The following NBR1 variants were observed in gnomAD, a reference collection of about 807,000 sequenced individuals.
The protein encoded by NBR1 is next to BRCA1 gene 1 protein.
NBR1 carries 59 observed loss-of-function variants against 115.5 expected under a neutral mutation model. That is an observed-to-expected ratio of 0.51 (90% CI 0.41 to 0.63). The LOEUF (loss-of-function observed/expected upper bound fraction) is 0.63. Ranked by LOEUF, NBR1 falls within the 30% of genes least tolerant of loss-of-function variation. NBR1 has a pLI of 0.00. For missense variants in NBR1, 1,043 were observed against 1,150.5 expected (o/e 0.91, Z 1.35); for synonymous variants, 373 against 414.7 (o/e 0.90, Z 1.22).
chr17:43,174,548 A>G (rs1446599668), intron 1 of NBR1, among the ~76,000 whole-genome samples: 1 of 152,176 alleles, frequency 6.6e-6, no homozygotes, highest in Non-Finnish European at 1.5e-5. Flanking sequence ...CAGTGAGCCA[A>G]GATTGTGCCA....
At chr17:43,209,545 T>G in intron 20 of NBR1, 3 of 1,530,874 alleles carry the variant, frequency 2.0e-6, no homozygotes, top group Admixed American at 3.9e-5. Context: ...ACAATTACAC[T>G]TATGTTCACA....
intron 6 of NBR1, among the ~76,000 whole-genome samples, chr17:43,188,112 G>C (rs953302827): frequency 1.3e-5 from 2 of 151,396 alleles, no homozygotes; most frequent in Non-Finnish European, 2.9e-5. Context: ...GAATGGTCTT[G>C]ATCTCCTGAC....
intron 20 of NBR1, among the ~76,000 whole-genome samples, chr17:43,204,816 A>AAC (rs2057281680): frequency 1.3e-5 from 2 of 150,184 alleles, no homozygotes; most frequent in Admixed American, 1.3e-4. Context: ...TCCATCTTAA[A>AAC]AAAAAAAAAA....
At position 43,193,326 on chromosome 17, in the gene NBR1, CTCT is replaced by C. The variant is rs757438170; in HGVS notation, c.1234-17_1234-15del. ...AGTGCTCAGCTGACAAGCTTGCTTT[CTCT>C]TCTTACTGTTCTTTTCAGCTCAAGT... is the stretch of plus-strand genomic sequence containing the variant. On this transcript the variant is annotated intron_variant, in intron 11 of 20. Transcript: ENST00000590996. 2.1e-5 allele frequency: 34 copies of C among 1,612,384 alleles called. No individual in the cohort carries two copies. Among genetic ancestry groups the C allele is most frequent in the Non-Finnish European group, 2.7e-5 (32 of 1,178,700 alleles).
intron 13 of NBR1, 32 bp downstream of exon 13, chr17:43,194,531 A>AC: frequency 6.2e-7 from 1 of 1,612,470 alleles, no homozygotes; most frequent in Non-Finnish European, 8.5e-7. Flanking sequence ...AGGGCAAGGG[A>AC]CAGAGGGAGA....
chr17:43,182,623 A>G (rs2056700257), intron 5 of NBR1, among the ~76,000 whole-genome samples: 1 of 151,512 alleles, frequency 6.6e-6, no homozygotes, highest in Non-Finnish European at 1.5e-5. Flanking sequence ...TTTAGTTTCT[A>G]ATTTTTAAAA....
At chr17:43,181,107 A>G (rs953082341) in intron 5 of NBR1, among the ~76,000 whole-genome samples, 3 of 152,206 alleles carry the variant, frequency 2.0e-5, no homozygotes, top group Non-Finnish European at 2.9e-5. Flanking sequence ...TCTTGGGCTC[A>G]AGCAATCTGC....
chr17:43,196,605 CA>C lies in NBR1; in HGVS notation c.1861+15del. 2 of 1,540,960 alleles carry C rather than the reference CA, an allele frequency of 1.3e-6. No individual in the cohort carries two copies. Among genetic ancestry groups the C allele is most frequent in the Non-Finnish European group, 1.8e-6 (2 of 1,128,096 alleles). ...AAGCACTTCCTGGTAAGGGATTAAA[CA>C]TTTGTAAAGTATTTGCATCCTCCCT... On this transcript the variant is annotated intron_variant, in intron 15 of 20. Coordinates refer to ENST00000590996, the MANE Select transcript of NBR1 (RefSeq NM_005899.5).
intron 1 of NBR1, among the ~76,000 whole-genome samples, chr17:43,175,487 TTC>T (rs2056488560): frequency 1.3e-5 from 2 of 152,238 alleles, no homozygotes; most frequent in Admixed American, 6.5e-5. Context: ...TTCAGCATAC[TTC>T]TGTTTCCACA....
intron 8 of NBR1, 88 bp from the exon 9 acceptor site, chr17:43,190,521 G>C (rs1387015549): frequency 1.4e-6 from 2 of 1,432,882 alleles, no homozygotes; most frequent in African/African-American, 2.8e-5. Flanking sequence ...GTTGGTACTG[G>C]AGCAAACATA....
chr17:43,179,068 AC>A (rs2154581973), intron 3 of NBR1, among the ~76,000 whole-genome samples: 1 of 152,286 alleles, frequency 6.6e-6, no homozygotes, highest in African/African-American at 2.4e-5. Context: ...TCATGAGGAA[AC>A]TGAGGCACAG....
intron 16 of NBR1, among the ~76,000 whole-genome samples, chr17:43,198,728 G>A (rs1017465812): frequency 6.6e-6 from 1 of 152,148 alleles, no homozygotes; most frequent in East Asian, 1.9e-4. Context: ...TTGGGAGGCC[G>A]AGGTGGGCGG....
chr17:43,180,883 T>C (rs28728414), intron 5 of NBR1, 66 bp downstream of exon 5: 2 of 1,277,266 alleles, frequency 1.6e-6, no homozygotes, highest in Non-Finnish European at 2.0e-6. Context: ...GTTTTTTTTC[T>C]TTTTTTGAGA....
chr17:43,175,940 A>T (rs1253634263), intron 2 of NBR1, 39 bp downstream of exon 2: 3 of 1,197,552 alleles, frequency 2.5e-6, no homozygotes, highest in Non-Finnish European at 3.7e-6. Flanking sequence ...TGGTTTAAGC[A>T]TGGTTATTTT....
At chr17:43,188,469 A>G (rs1375840864) in intron 6 of NBR1, among the ~76,000 whole-genome samples, 1 of 152,114 alleles carries the variant, frequency 6.6e-6, no homozygotes, top group East Asian at 1.9e-4. Flanking sequence ...GTTTAATTAG[A>G]TCCCATTGTC....
In NBR1 at chr17:43,189,821, G is replaced by A. The variant is rs1269311827; in HGVS notation, c.695+19G>A. 1 of 1,607,380 alleles carries A rather than the reference G, an allele frequency of 6.2e-7. No homozygotes were observed. Among genetic ancestry groups the A allele is most frequent in the Non-Finnish European group, 8.5e-7 (1 of 1,175,700 alleles). On this transcript the variant is annotated intron_variant, in intron 8 of 20. Transcript: ENST00000590996. Reference sequence around the variant, plus strand: ...AGTGTAGGTAAGCAGTTGCTTGGGAGTAGCTAGCTAGTGATAGACCTTACA... The same window carrying A: ...AGTGTAGGTAAGCAGTTGCTTGGGAATAGCTAGCTAGTGATAGACCTTACA...
At chr17:43,209,145 C>T (rs2057370700) in intron 20 of NBR1, among the ~76,000 whole-genome samples, 1 of 151,286 alleles carries the variant, frequency 6.6e-6, no homozygotes, top group Non-Finnish European at 1.5e-5. Flanking sequence ...GGCGCGATCT[C>T]GGCTCACTGC....
chr17:43,205,891 A>AAAG (rs1223010733), intron 20 of NBR1, among the ~76,000 whole-genome samples: 13 of 151,074 alleles, frequency 8.6e-5, no homozygotes, highest in Non-Finnish European at 1.8e-4. Context: ...AAAAAAAAAA[A>AAAG]AAAAAAGGCT....
chr17:43,209,654 T>C (rs948580809), intron 20 of NBR1: 3 of 1,535,444 alleles, frequency 2.0e-6, no homozygotes, highest in Admixed American at 3.9e-5. Context: ...GTACAGTTCA[T>C]TAGCTCCCCG....
Sources: gnomAD v4.1 joint callset for allele counts (sites outside exome capture counted in the v4.1 genomes callset) on GRCh38, gnomAD v4.1.1 for gene constraint, MANE v1.5 for transcripts, NCBI Gene and HGNC (gene_info 2026-07-23, HGNC 2026-07-21) for gene names.